SLC44A1: variants seen among roughly 807,000 people sequenced by gnomAD.
SLC44A1 encodes the protein solute carrier family 44 member 1, also known as choline transporter-like protein 1.
Under a neutral mutation model 79.3 loss-of-function variants are expected in SLC44A1, and 26 were observed. The ratio of observed to expected loss-of-function variants is 0.33; its 90% CI spans 0.24 to 0.46. The LOEUF (loss-of-function observed/expected upper bound fraction) is 0.46. SLC44A1 is among the 20% of genes least tolerant of loss of function. The pLI, the probability that SLC44A1 is intolerant of heterozygous loss-of-function variation, is 1.00. For missense variants in SLC44A1, 688 were observed against 798.1 expected (o/e 0.86, Z 1.66); for synonymous variants, 263 against 286.2 (o/e 0.92, Z 0.82).
rs1051745551 is a variant in SLC44A1 at position 105,415,143 on chromosome 9, T to C, written c.1951-23138T>C. On this transcript the variant is annotated intron_variant, in intron 15 of 15. Transcript: ENST00000374724. ...TTATTAAGGGCACAATAGAGGTTTA[T>C]TGAGTGAATCAACAAATGAATCCTT... Among the ~76,000 whole-genome samples, 6 of 152,224 alleles carry C rather than the reference T, an allele frequency of 3.9e-5. No individual in the cohort carries two copies. In the East Asian group the frequency reaches 5.8e-4, roughly 15 times the overall value.
At chr9:105,246,532 C>T (rs969384444) in intron 1 of SLC44A1, among the ~76,000 whole-genome samples, 17 of 152,064 alleles carry the variant, frequency 1.1e-4, no homozygotes, top group African/African-American at 4.1e-4. Context: ...CTTGGTATAT[C>T]AGAGTTTTCA....
At chr9:105,329,212 G>A (rs1826676202) in intron 3 of SLC44A1, among the ~76,000 whole-genome samples, 2 of 152,190 alleles carry the variant, frequency 1.3e-5, no homozygotes, top group Non-Finnish European at 2.9e-5. Flanking sequence ...ATTGTAAATT[G>A]ATATGAGGTA....
chr9:105,339,362 T>C (rs1303711777), intron 4 of SLC44A1, among the ~76,000 whole-genome samples: 1 of 152,078 alleles, frequency 6.6e-6, no homozygotes, highest in Non-Finnish European at 1.5e-5. Flanking sequence ...CTCAAAAAAT[T>C]AAAGATAAAA....
intron 2 of SLC44A1, among the ~76,000 whole-genome samples, chr9:105,302,586 A>G (rs1298219226): frequency 2.0e-5 from 3 of 151,750 alleles, no homozygotes; most frequent in Non-Finnish European, 2.9e-5. Flanking sequence ...TCCTGACCTC[A>G]AGTGATCTGC....
intron 1 of SLC44A1, among the ~76,000 whole-genome samples, chr9:105,296,536 A>T (rs182732345): frequency 6.6e-6 from 1 of 152,344 alleles, no homozygotes; most frequent in Admixed American, 6.5e-5. Flanking sequence ...AACCAACCTG[A>T]GGCTTCTCCC....
intron 11 of SLC44A1, among the ~76,000 whole-genome samples, chr9:105,366,060 C>T (rs1054099553): frequency 3.3e-5 from 5 of 152,126 alleles, no homozygotes; most frequent in Non-Finnish European, 7.4e-5. Context: ...TATTCTGATT[C>T]TAACCTTTTT....
chr9:105,333,856 G>A (rs1826829091), intron 3 of SLC44A1, among the ~76,000 whole-genome samples: 1 of 152,050 alleles, frequency 6.6e-6, no homozygotes, highest in Admixed American at 6.6e-5. Flanking sequence ...GGTGGTGATG[G>A]CAATGGTAGC....
intron 4 of SLC44A1, among the ~76,000 whole-genome samples, chr9:105,344,641 T>A (rs1827194111): frequency 6.6e-6 from 1 of 152,188 alleles, no homozygotes; most frequent in African/African-American, 2.4e-5. Context: ...GTTATTTCAT[T>A]TTTTCTCCAC....
At position 105,244,929 on chromosome 9, in the gene SLC44A1, GC is replaced by G. The variant is rs917763454; in HGVS notation, c.36+28del. On this transcript the variant is annotated intron_variant, in intron 1 of 15. Transcript: ENST00000374720. The stretch of plus-strand genomic sequence containing the variant: ...GGTGAGGGGCTCCCGCCTCCCGGCC[GC>G]CCGCCCGGATGCCTCCCGTGCGCCG... The G allele has an allele frequency of 3.4e-6, 4 of 1,168,306 alleles. No individual in the cohort carries two copies. In the African/African-American group the frequency reaches 6.5e-5, roughly 19 times the overall value. 72.4% of individuals were successfully genotyped at this position (1,168,306 alleles called of 1,614,324 possible).
chr9:105,395,671 C>G lies in SLC44A1; in HGVS notation c.*6615C>G, dbSNP rs1237366535. 4 of 985,226 alleles carry G rather than the reference C, an allele frequency of 4.1e-6. No individual in the cohort carries two copies. The African/African-American group carries it at 7.0e-5, about 17-fold the overall frequency. The allele number at this position is 985,226 out of a possible 1,614,324, so 61.0% of individuals were successfully genotyped here. A position where few individuals can be genotyped will look rare whatever the true frequency, so the allele number is the denominator to read the frequency against. On this transcript the variant is annotated 3_prime_UTR_variant, in exon 16 of 16. Coordinates refer to ENST00000374720, the MANE Select transcript of SLC44A1 (RefSeq NM_080546.5). The stretch of plus-strand genomic sequence containing the variant: ...AAGTGTAAGACTTAAAGGGAATATT[C>G]TGACCTTCGTGTATGAATCTGATCC...
chr9:105,366,245 G>T lies in SLC44A1; in HGVS notation c.1411-101G>T, dbSNP rs112337327. The T allele has an allele frequency of 4.2e-3, 2,214 of 529,466 alleles. 43 individuals are homozygous for T. The highest frequency in any genetic ancestry group is 0.04 in the African/African-American group (1,989 of 50,200). 32.8% of individuals were successfully genotyped at this position (529,466 alleles called of 1,614,324 possible). On this transcript the variant is annotated intron_variant, in intron 11 of 15. Coordinates refer to ENST00000374720, the MANE Select transcript of SLC44A1 (RefSeq NM_080546.5). ...GTATGGAGGCTTTGAAGCATAAATTGTGATTTTTAAATTTTTATTTATTTT... is the reference window on the plus strand; with the variant it reads ...GTATGGAGGCTTTGAAGCATAAATTTTGATTTTTAAATTTTTATTTATTTT...
downstream of SLC44A1, among the ~76,000 whole-genome samples, chr9:105,398,602 A>G (rs1828917242): frequency 6.6e-6 from 1 of 152,186 alleles, no homozygotes; most frequent in South Asian, 2.1e-4. Flanking sequence ...TTAACCTCAA[A>G]TTGAAGGAAA....
intron 12 of SLC44A1, among the ~76,000 whole-genome samples, chr9:105,366,938 CTT>C (rs35710961): frequency 2.1e-4 from 31 of 145,376 alleles, no homozygotes; most frequent in Admixed American, 2.1e-4. Flanking sequence ...TATGCTGATA[CTT>C]TTTTTTTTTT....
At chr9:105,259,192 T>G (rs1016974777) in intron 1 of SLC44A1, among the ~76,000 whole-genome samples, 2 of 152,220 alleles carry the variant, frequency 1.3e-5, no homozygotes, top group African/African-American at 2.4e-5. Flanking sequence ...AAGAACTAAG[T>G]CTGAACAAGT....
chr9:105,310,448 A>G (rs940304956), intron 3 of SLC44A1, among the ~76,000 whole-genome samples: 7 of 152,264 alleles, frequency 4.6e-5, no homozygotes, highest in African/African-American at 1.4e-4. Flanking sequence ...TGTTTTTAAT[A>G]CCTGTAGGGA....
chr9:105,305,495 G>A (rs1428747889), intron 2 of SLC44A1, among the ~76,000 whole-genome samples: 4 of 152,108 alleles, frequency 2.6e-5, no homozygotes. Context: ...GAAACAGAAG[G>A]CAAATGTTCC....
At chr9:105,426,923 G>A (rs1438183866) in intron 15 of SLC44A1, among the ~76,000 whole-genome samples, 2 of 147,740 alleles carry the variant, frequency 1.4e-5, no homozygotes, top group African/African-American at 2.6e-5. Context: ...CCTATCTTCT[G>A]TTTTTCCTTT....
chr9:105,361,943 C>T (rs1221168087), intron 8 of SLC44A1, among the ~76,000 whole-genome samples: 2 of 152,096 alleles, frequency 1.3e-5, no homozygotes, highest in African/African-American at 4.8e-5. Flanking sequence ...CCCAGCTACT[C>T]GGGAGGCAGA....
At chr9:105,437,714 G>C (rs753070858) in intron 15 of SLC44A1, among the ~76,000 whole-genome samples, 1 of 152,046 alleles carries the variant, frequency 6.6e-6, no homozygotes, top group Non-Finnish European at 1.5e-5. Flanking sequence ...CCATTATCCT[G>C]GTCTGATCTG....
Sources: gnomAD v4.1 joint callset for allele counts (sites outside exome capture counted in the v4.1 genomes callset) on GRCh38, gnomAD v4.1.1 for gene constraint, MANE v1.5 for transcripts, NCBI Gene and HGNC (gene_info 2026-07-23, HGNC 2026-07-21) for gene names.